CARMIL1: variants seen among roughly 807,000 people sequenced by gnomAD.
CARMIL1 encodes the protein F-actin-uncapping protein LRRC16A.
In CARMIL1, 90 loss-of-function variants were observed where a neutral mutation model predicts 177.1. That is an observed-to-expected ratio of 0.51 (90% CI 0.43 to 0.61). CARMIL1 has a LOEUF of 0.61. Ranked by LOEUF, CARMIL1 falls within the 20% of genes least tolerant of loss-of-function variation. The pLI, the probability that CARMIL1 is intolerant of heterozygous loss-of-function variation, is 0.00. For synonymous variants in CARMIL1, 577 were observed against 606.2 expected (o/e 0.95, Z 0.71); for missense variants, 1,380 against 1,667.0 (o/e 0.83, Z 3.00).
At chr6:25,535,225 G>C (rs1036452445) in intron 24 of CARMIL1, among the ~76,000 whole-genome samples, 1 of 152,138 alleles carries the variant, frequency 6.6e-6, no homozygotes, top group Non-Finnish European at 1.5e-5. Flanking sequence ...GGTTCTAGGT[G>C]GAAGACAGAA....
intron 26 of CARMIL1, among the ~76,000 whole-genome samples, chr6:25,544,711 C>T (rs1036494035): frequency 1.3e-5 from 2 of 151,500 alleles, no homozygotes; most frequent in African/African-American, 4.9e-5. Context: ...GTCTGAGCTA[C>T]AAGAAAGACT....
At chr6:25,601,463 G>A (rs2151308906) in intron 33 of CARMIL1, among the ~76,000 whole-genome samples, 1 of 152,194 alleles carries the variant, frequency 6.6e-6, no homozygotes, top group African/African-American at 2.4e-5. Flanking sequence ...ATTGAAGATA[G>A]GTGAACTAAC....
intron 12 of CARMIL1, among the ~76,000 whole-genome samples, chr6:25,486,175 G>A (rs985722499): frequency 6.6e-6 from 1 of 152,118 alleles, no homozygotes; most frequent in African/African-American, 2.4e-5. Context: ...ATGTAAATGT[G>A]TTTAGTTAGG....
In CARMIL1 at chr6:25,430,516, G is replaced by A. The variant is rs768707655; in HGVS notation, c.249+3956G>A. 4.0e-5 allele frequency among the ~76,000 whole-genome samples: 6 copies of A among 150,662 alleles called. No homozygotes were observed. The East Asian group carries it at 7.8e-4, about 20-fold the overall frequency. On this transcript the variant is annotated intron_variant, in intron 4 of 36. Transcript: ENST00000329474. ...GCAATCTCAGCTCATGGCAACCTTC[G>A]CTTCTCGGGACCAAGCGATCCTCTC...
intron 36 of CARMIL1, among the ~76,000 whole-genome samples, chr6:25,616,110 A>T (rs1166022856): frequency 6.6e-6 from 1 of 152,232 alleles, no homozygotes; most frequent in African/African-American, 2.4e-5. Context: ...AAATAGACAC[A>T]CGCATAGAGA....
At chr6:25,297,094 C>T (rs188075140) in intron 2 of CARMIL1, among the ~76,000 whole-genome samples, 37 of 152,338 alleles carry the variant, frequency 2.4e-4, no homozygotes, top group Admixed American at 2.2e-3. Flanking sequence ...TGCCCAGCCT[C>T]AGCTCCTTTT....
At position 25,509,838 on chromosome 6, in the gene CARMIL1, A is replaced by C; in HGVS notation, c.1477+101A>C. On this transcript the variant is annotated intron_variant, in intron 18 of 36. Transcript: ENST00000329474. This position sits in a 1 kb window ranked among gnomAD's most constrained non-coding sequence, Gnocchi z 4.1. ...CCCAAATCCAAACAATAGCTTAATA[A>C]AAAAATTGTTTTTTATTTTTTGACT... The C allele has an allele frequency of 1.2e-6, 1 of 800,478 alleles. No homozygotes were observed. Among genetic ancestry groups the C allele is most frequent in the Non-Finnish European group, 2.0e-6 (1 of 504,904 alleles). The allele number at this position is 800,478 out of a possible 1,614,324, so 49.6% of individuals were successfully genotyped here. A position where few individuals can be genotyped will look rare whatever the true frequency, so the allele number is the denominator to read the frequency against.
intron 2 of CARMIL1, among the ~76,000 whole-genome samples, chr6:25,379,998 T>G (rs1215791461): frequency 6.6e-6 from 1 of 152,146 alleles, no homozygotes; most frequent in East Asian, 1.9e-4. Context: ...ATGGAATTTA[T>G]TCTGCTCTTT....
chr6:25,337,113 A>G (rs1188487600), intron 2 of CARMIL1, among the ~76,000 whole-genome samples: 3 of 152,222 alleles, frequency 2.0e-5, no homozygotes, highest in African/African-American at 7.2e-5. Context: ...GGCTTAAGGA[A>G]ACTAATGCTT....
intron 2 of CARMIL1, among the ~76,000 whole-genome samples, chr6:25,318,315 C>T (rs537105598): frequency 6.6e-6 from 1 of 152,068 alleles, no homozygotes; most frequent in Non-Finnish European, 1.5e-5. Flanking sequence ...AGACTGGGGA[C>T]AAAGCGGACT....
intron 2 of CARMIL1, among the ~76,000 whole-genome samples, chr6:25,410,138 T>C (rs557364393): frequency 7.1e-6 from 1 of 140,330 alleles, no homozygotes; most frequent in African/African-American, 2.6e-5. Context: ...AACTATCTTA[T>C]AACTTTGTTC....
intron 2 of CARMIL1, among the ~76,000 whole-genome samples, chr6:25,319,199 A>T (rs1249781136): frequency 6.6e-6 from 1 of 152,222 alleles, no homozygotes; most frequent in Admixed American, 6.5e-5. Context: ...ATTGTGAATT[A>T]TTCTGATTTA....
intron 2 of CARMIL1, among the ~76,000 whole-genome samples, chr6:25,403,657 A>G (rs1794085429): frequency 6.6e-6 from 1 of 152,122 alleles, no homozygotes. Context: ...TATCCCAGAT[A>G]GCCATATGGT....
intron 33 of CARMIL1, among the ~76,000 whole-genome samples, chr6:25,603,191 G>C (rs562246218): frequency 1.3e-5 from 2 of 152,234 alleles, no homozygotes; most frequent in Admixed American, 1.3e-4. Context: ...GAAAGGGAAG[G>C]ATGTGAAAGG....
chr6:25,527,047 GT>G (rs1009801207), intron 23 of CARMIL1, among the ~76,000 whole-genome samples: 5 of 152,038 alleles, frequency 3.3e-5, no homozygotes, highest in African/African-American at 9.7e-5. Flanking sequence ...TTTGTGTTTC[GT>G]TTTTGCTTCT....
At chr6:25,316,799 G>A (rs896307200) in intron 2 of CARMIL1, among the ~76,000 whole-genome samples, 3 of 152,238 alleles carry the variant, frequency 2.0e-5, no homozygotes, top group South Asian at 2.1e-4. Context: ...ACTGACTGTG[G>A]ACAATCAATG....
intron 20 of CARMIL1, among the ~76,000 whole-genome samples, chr6:25,512,516 A>G (rs1203439935): frequency 3.3e-5 from 5 of 152,204 alleles, no homozygotes; most frequent in Non-Finnish European, 5.9e-5. Flanking sequence ...TCTTGTGATG[A>G]TAAAAATTTT....
chr6:25,583,147 T>A (rs374225600), intron 31 of CARMIL1, among the ~76,000 whole-genome samples: 20 of 152,302 alleles, frequency 1.3e-4, no homozygotes, highest in East Asian at 9.6e-4. Context: ...GAGGAAAGAA[T>A]CTGAACAAAG....
At chr6:25,596,846 C>CACAG (rs1453115957) in intron 32 of CARMIL1, among the ~76,000 whole-genome samples, 1 of 100,932 alleles carries the variant, frequency 9.9e-6, no homozygotes, top group Non-Finnish European at 1.9e-5. Flanking sequence ...TCACCAAACA[C>CACAG]ACAGACACAC....
Sources: allele counts gnomAD v4.1 joint callset (sites outside exome capture counted in the v4.1 genomes callset), GRCh38; gene constraint gnomAD v4.1.1; non-coding constraint Gnocchi (gnomAD v3.1); transcripts MANE v1.5; gene names NCBI Gene and HGNC (gene_info 2026-07-23, HGNC 2026-07-21).